Variants in VRK3 observed in about 807,000 individuals in gnomAD.
VRK3 encodes VRK serine/threonine kinase 3.
VRK3 carries 50 observed loss-of-function variants against 60.4 expected under a neutral mutation model. That is an observed-to-expected ratio of 0.83 (90% CI 0.66 to 1.05). The LOEUF is 1.05. VRK3 is among the 50% of genes least tolerant of loss of function. The pLI is 0.00. For missense variants in VRK3, 549 were observed against 585.3 expected, an observed-to-expected ratio of 0.94 and a Z score of 0.64; for synonymous variants, 246 against 227.8, an observed-to-expected ratio of 1.08 and a Z score of -0.72.
intron 3 of VRK3, among the ~76,000 whole-genome samples, chr19:50,011,551 G>A (rs2076994370): frequency 6.6e-6 from 1 of 152,132 alleles, no homozygotes; most frequent in Non-Finnish European, 1.5e-5. Flanking sequence ...TGCCTACTTG[G>A]TAGAAGCTCT....
At chr19:50,007,297 TGAG>T (rs1322289715) in intron 5 of VRK3, among the ~76,000 whole-genome samples, 1 of 146,682 alleles carries the variant, frequency 6.8e-6, no homozygotes, top group East Asian at 2.0e-4. Flanking sequence ...GCAGGTGGGG[TGAG>T]GAGGGGCACA....
intron 3 of VRK3, among the ~76,000 whole-genome samples, chr19:50,010,724 C>A (rs1380058396): frequency 6.6e-6 from 1 of 152,132 alleles, no homozygotes; most frequent in Non-Finnish European, 1.5e-5. Flanking sequence ...GCCAGCCTGT[C>A]CAACATGGTG....
chr19:50,014,334 G>A (rs1379728780), intron 3 of VRK3, among the ~76,000 whole-genome samples: 2 of 151,954 alleles, frequency 1.3e-5, no homozygotes, highest in Admixed American at 6.6e-5. Context: ...CGAGGCGGGT[G>A]GATCATTTGA....
intron 12 of VRK3, chr19:49,982,153 A>C: frequency 1.4e-6 from 1 of 703,034 alleles, no homozygotes; most frequent in Non-Finnish European, 2.6e-6. Flanking sequence ...TGGCATGACA[A>C]AGTCCAGCTT....
At chr19:50,013,720 C>G (rs750553124) in intron 3 of VRK3, among the ~76,000 whole-genome samples, 1 of 152,156 alleles carries the variant, frequency 6.6e-6, no homozygotes, top group Non-Finnish European at 1.5e-5. Flanking sequence ...AGGCACAGAC[C>G]CAGGTGCTGT....
intron 12 of VRK3, among the ~76,000 whole-genome samples, chr19:49,983,309 C>T (rs2076455789): frequency 6.6e-6 from 1 of 152,220 alleles, no homozygotes; most frequent in Non-Finnish European, 1.5e-5. Flanking sequence ...TGGTCTTCCC[C>T]ACCCTGAGCT....
chr19:49,981,538 C>A (rs896228238), intron 12 of VRK3: 1 of 334,484 alleles, frequency 3.0e-6, no homozygotes, highest in Non-Finnish European at 4.3e-6. Flanking sequence ...GAGAGAGACT[C>A]CGTCTCAAAA....
At chr19:50,005,302 G>A (rs1600699612) in intron 5 of VRK3, among the ~76,000 whole-genome samples, 2 of 149,234 alleles carry the variant, frequency 1.3e-5, no homozygotes, top group South Asian at 4.1e-4. Context: ...CACCTGCCCA[G>A]ACTTCAAGGC....
chr19:50,024,259 C>T (rs954325495), intron 1 of VRK3, among the ~76,000 whole-genome samples: 1 of 152,108 alleles, frequency 6.6e-6, no homozygotes, highest in African/African-American at 2.4e-5. Context: ...ATTTTAGAAC[C>T]TATTACATAT....
At chr19:50,020,733 A>G (rs944495804) in intron 1 of VRK3, 86 bp from the exon 2 acceptor site, 3 of 152,240 alleles carry the variant, frequency 2.0e-5, no homozygotes, top group African/African-American at 7.2e-5. Flanking sequence ...AGCACTGGCC[A>G]TGTCACCAGC....
At chr19:49,992,467 A>C (rs1183370430) in intron 10 of VRK3, among the ~76,000 whole-genome samples, 2 of 152,250 alleles carry the variant, frequency 1.3e-5, no homozygotes, top group Non-Finnish European at 2.9e-5. Flanking sequence ...GCCTTCCAAA[A>C]GGGTTTCCCA....
intron 1 of VRK3, among the ~76,000 whole-genome samples, chr19:50,022,699 C>A (rs10420278): frequency 1.3e-5 from 2 of 152,008 alleles, no homozygotes; most frequent in African/African-American, 4.8e-5. Flanking sequence ...GAGGCTGAGG[C>A]GCAAGAGTCG....
chr19:50,015,103 T>TATTC (rs1279571814), intron 3 of VRK3, among the ~76,000 whole-genome samples: 1 of 151,792 alleles, frequency 6.6e-6, no homozygotes, highest in African/African-American at 2.4e-5. Flanking sequence ...AATGGAGTGC[T>TATTC]ATTCATGGCA....
chr19:50,023,732 AGGTG>A (rs2077208724), intron 1 of VRK3, among the ~76,000 whole-genome samples: 2 of 147,226 alleles, frequency 1.4e-5, no homozygotes, highest in East Asian at 2.1e-4. Flanking sequence ...TGTGCCAAGA[AGGTG>A]GGTGGGGGGG....
chr19:49,990,243 C>G (rs2076587108), intron 10 of VRK3, among the ~76,000 whole-genome samples: 1 of 152,192 alleles, frequency 6.6e-6, no homozygotes, highest in Non-Finnish European at 1.5e-5. Context: ...TACCAGTTCT[C>G]TCTGCTATGA....
intron 5 of VRK3, among the ~76,000 whole-genome samples, chr19:50,006,382 AT>A (rs201998359): frequency 0.053 from 7,833 of 147,708 alleles, 650 homozygotes; most frequent in African/African-American, 0.18. Flanking sequence ...TCACTGAATA[AT>A]TTTTTTTTTT....
intron 12 of VRK3, among the ~76,000 whole-genome samples, chr19:49,984,389 G>C (rs2076477109): frequency 6.6e-6 from 1 of 152,148 alleles, no homozygotes; most frequent in South Asian, 2.1e-4. Context: ...CTAGAGACCA[G>C]GTCAGGCATC....
intron 8 of VRK3, 87 bp from the exon 9 acceptor site, chr19:49,995,006 G>A: frequency 1.5e-6 from 2 of 1,356,946 alleles, no homozygotes; most frequent in Middle Eastern, 1.9e-4. Flanking sequence ...TGCGTGGGCT[G>A]CAAGGTCCTG....
chr19:49,989,758 C>T lies in VRK3; in HGVS notation c.977G>A (p.Gly326Asp). 3 of 1,612,232 alleles carry T rather than the reference C, an allele frequency of 1.9e-6. No individual in the cohort carries two copies. Among genetic ancestry groups the T allele is most frequent in the Non-Finnish European group, 2.5e-6 (3 of 1,178,708 alleles). The change falls in exon 11 of 15, where the codon GGC becomes GAC. Residue 326 changes from glycine to aspartate, a missense_variant. Transcript: ENST00000316763. ...PEDQSQVTLA[G>D]YGFAFRYCPS... ...GCAATAGCGGAAGGCGAAGCCATAG[C>T]CTGCCAAAGTCACCTGTGGACACAG...
Sources: allele counts gnomAD v4.1 joint callset (sites outside exome capture counted in the v4.1 genomes callset), GRCh38; gene constraint gnomAD v4.1.1; transcripts MANE v1.5; gene names NCBI Gene and HGNC (gene_info 2026-07-23, HGNC 2026-07-21).